The following ULK4 variants were observed in gnomAD, a reference collection of about 807,000 sequenced individuals.
ULK4 encodes unc-51 like kinase 4, also known as inactive serine/threonine-protein kinase ULK4.
Under a neutral mutation model 160.6 loss-of-function variants are expected in ULK4, and 133 were observed. That is an observed-to-expected ratio of 0.83 (90% confidence interval 0.72 to 0.96). ULK4 has a LOEUF of 0.96. Among genes scored for constraint, ULK4 ranks in the 40% least tolerant of loss-of-function variants. ULK4 has a pLI of 0.00. For synonymous variants in ULK4, 534 were observed against 539.8 expected (o/e 0.99, Z 0.15); for missense variants, 1,580 against 1,499.5 (o/e 1.05, Z -0.89).
chr3:41,459,358 T>C (rs550778210), intron 33 of ULK4, among the ~76,000 whole-genome samples: 1 of 152,326 alleles, frequency 6.6e-6, no homozygotes, highest in South Asian at 2.1e-4. Flanking sequence ...TGAGTCACCA[T>C]GCCCAGCCCA....
At chr3:41,458,400 G>A (rs752002409) in intron 33 of ULK4, among the ~76,000 whole-genome samples, 2 of 152,116 alleles carry the variant, frequency 1.3e-5, no homozygotes, top group African/African-American at 4.8e-5. Context: ...CCACACCATT[G>A]ACAGTTATGC....
At chr3:41,751,564 C>A (rs2038629991) in intron 22 of ULK4, among the ~76,000 whole-genome samples, 1 of 152,168 alleles carries the variant, frequency 6.6e-6, no homozygotes, top group Non-Finnish European at 1.5e-5. Context: ...GGCATGCCTT[C>A]AGACCACTAT....
chr3:41,311,877 C>CATATATATATATATATATATATAT (rs143621818), intron 35 of ULK4, among the ~76,000 whole-genome samples: 31 of 146,620 alleles, frequency 2.1e-4, no homozygotes, highest in African/African-American at 7.0e-4. Flanking sequence ...AAACTCTCCT[C>CATATATATATATATATATATATAT]ATATATATAT....
chr3:41,509,800 G>A (rs552131609), intron 32 of ULK4, among the ~76,000 whole-genome samples: 2 of 152,182 alleles, frequency 1.3e-5, no homozygotes, highest in East Asian at 1.9e-4. Flanking sequence ...CTACCAAGCC[G>A]GCATTATGAG....
intron 35 of ULK4, among the ~76,000 whole-genome samples, chr3:41,386,894 T>C (rs2081826104): frequency 6.6e-6 from 1 of 152,150 alleles, no homozygotes; most frequent in African/African-American, 2.4e-5. Context: ...GGTAAAGATC[T>C]GTATATTTCC....
At chr3:41,409,202 G>C (rs1389716547) in intron 34 of ULK4, among the ~76,000 whole-genome samples, 1 of 152,178 alleles carries the variant, frequency 6.6e-6, no homozygotes, top group Non-Finnish European at 1.5e-5. Flanking sequence ...GTTGCAGAGA[G>C]TGGAGATCAC....
intron 30 of ULK4, among the ~76,000 whole-genome samples, chr3:41,635,433 TATATAA>T (rs2033914349): frequency 6.6e-6 from 1 of 151,972 alleles, no homozygotes; most frequent in Non-Finnish European, 1.5e-5. Flanking sequence ...TGTACATATT[TATATAA>T]ATATATAGAA....
At chr3:41,382,654 CA>C (rs199637549) in intron 35 of ULK4, among the ~76,000 whole-genome samples, 49 of 149,654 alleles carry the variant, frequency 3.3e-4, no homozygotes, top group South Asian at 2.3e-3. Flanking sequence ...TACTAGTTTA[CA>C]AAAAAAAACA....
intron 30 of ULK4, among the ~76,000 whole-genome samples, chr3:41,662,059 C>T (rs889240999): frequency 6.6e-6 from 1 of 152,136 alleles, no homozygotes; most frequent in African/African-American, 2.4e-5. Flanking sequence ...ATACAGTATT[C>T]GCACATGATG....
intron 19 of ULK4, among the ~76,000 whole-genome samples, chr3:41,807,404 T>C (rs945319106): frequency 6.6e-6 from 1 of 152,192 alleles, no homozygotes; most frequent in Non-Finnish European, 1.5e-5. Flanking sequence ...TTTACTGTTT[T>C]TTCAATCCAA....
chr3:41,763,426 GA>G (rs1169536449), intron 21 of ULK4, among the ~76,000 whole-genome samples: 2 of 152,006 alleles, frequency 1.3e-5, no homozygotes, highest in South Asian at 4.2e-4. Flanking sequence ...AAATAATCAA[GA>G]AAAAAGGGGA....
At chr3:41,850,757 T>C (rs1286514676) in intron 17 of ULK4, among the ~76,000 whole-genome samples, 1 of 152,216 alleles carries the variant, frequency 6.6e-6, no homozygotes, top group Admixed American at 6.5e-5. Flanking sequence ...ATTCTGTAGG[T>C]TGCCTGTTCA....
chr3:41,911,531 T>G lies in ULK4; in HGVS notation c.1015+10A>C, dbSNP rs760686701. 9.3e-6 allele frequency: 15 copies of G among 1,610,872 alleles called. No homozygotes were observed. The highest frequency in any genetic ancestry group is 1.3e-5 in the African/African-American group (1 of 74,890). The stretch of plus-strand genomic sequence containing the variant: ...TCTAAGTAGCATGAATGTGCTCAAA[T>G]AAAACTTACCTAGTCTGAAAGAGTG... On this transcript the variant is annotated intron_variant, in intron 10 of 36. Transcript: ENST00000301831.
intron 30 of ULK4, among the ~76,000 whole-genome samples, chr3:41,635,653 G>C (rs2033924394): frequency 1.3e-5 from 2 of 152,182 alleles, no homozygotes; most frequent in East Asian, 1.9e-4. Flanking sequence ...CTATGTGCTT[G>C]GACATCCATG....
At chr3:41,383,826 A>C (rs1037332672) in intron 35 of ULK4, among the ~76,000 whole-genome samples, 2 of 152,214 alleles carry the variant, frequency 1.3e-5, no homozygotes, top group African/African-American at 2.4e-5. Flanking sequence ...CAGAGAAGGA[A>C]GCAGTATTCT....
At chr3:41,408,493 C>T (rs894806913) in intron 34 of ULK4, among the ~76,000 whole-genome samples, 1 of 149,292 alleles carries the variant, frequency 6.7e-6, no homozygotes, top group Admixed American at 6.7e-5. Context: ...TTCCCACATT[C>T]ATACATCAGA....
intron 17 of ULK4, among the ~76,000 whole-genome samples, chr3:41,844,221 C>T (rs115767346): frequency 0.049 from 7,459 of 152,114 alleles, 235 homozygotes; most frequent in Non-Finnish European, 0.071. Context: ...GAGCAGGGGG[C>T]GGCGCTCGCT....
intron 2 of ULK4, among the ~76,000 whole-genome samples, chr3:41,949,522 T>C (rs1700220447): frequency 6.7e-6 from 1 of 149,916 alleles, no homozygotes; most frequent in Admixed American, 6.7e-5. Context: ...AACCTCTGCC[T>C]TCCAGGTTCA....
intron 17 of ULK4, among the ~76,000 whole-genome samples, chr3:41,848,640 T>TA (rs1047399728): frequency 3.9e-5 from 6 of 152,132 alleles, no homozygotes; most frequent in Admixed American, 2.0e-4. Context: ...AATCTGGACA[T>TA]AGAGTGAAGG....
Sources: gnomAD v4.1 joint callset for allele counts (sites outside exome capture counted in the v4.1 genomes callset) on GRCh38, gnomAD v4.1.1 for gene constraint, MANE v1.5 for transcripts, NCBI Gene and HGNC (gene_info 2026-07-23, HGNC 2026-07-21) for gene names.